The following DDX54 variants were observed in gnomAD, a reference collection of about 807,000 sequenced individuals.
DDX54 encodes the protein DEAD-box helicase 54.
A neutral mutation model predicts 105.5 loss-of-function variants in DDX54; 67 were observed. The ratio of observed to expected loss-of-function variants is 0.64; its 90% confidence interval spans 0.52 to 0.78. The LOEUF (loss-of-function observed/expected upper bound fraction) is 0.78, where lower values mean the gene tolerates loss of function less well. DDX54 is among the 30% of genes least tolerant of loss of function. The pLI is 0.00. For missense variants in DDX54, 1,206 were observed against 1,230.5 expected (o/e 0.98, Z 0.30); for synonymous variants, 514 against 509.9 (o/e 1.01, Z -0.11).
intron 19 of DDX54, 179 bp from the exon 20 acceptor site, chr12:113,159,288 A>G: frequency 1.5e-6 from 1 of 662,888 alleles, no homozygotes; most frequent in Non-Finnish European, 2.4e-6. Flanking sequence ...GGAGTGGTCA[A>G]TAACACGGGG....
chr12:113,162,103 A>G, intron 17 of DDX54, 106 bp from the exon 18 acceptor site: 2 of 1,073,916 alleles, frequency 1.9e-6, no homozygotes, highest in East Asian at 4.8e-5. Context: ...AGGTTGTTGG[A>G]GCATTAAAGG....
chr12:113,161,653 G>C (rs911687253), intron 18 of DDX54, among the ~76,000 whole-genome samples: 2 of 148,168 alleles, frequency 1.3e-5, no homozygotes, highest in African/African-American at 5.0e-5. Context: ...AGATGCTGCT[G>C]CTGAAGCTGC....
chr12:113,176,774 T>C (rs1952408463), intron 7 of DDX54, 66 bp downstream of exon 7: 1 of 1,555,394 alleles, frequency 6.4e-7, no homozygotes, highest in Non-Finnish European at 8.8e-7. Flanking sequence ...CTTCCTCTGG[T>C]TGACCTCTCT....
intron 5 of DDX54, 45 bp from the exon 6 acceptor site, chr12:113,177,138 G>T (rs1427166641): frequency 1.2e-6 from 2 of 1,603,794 alleles, no homozygotes; most frequent in South Asian, 1.1e-5. Flanking sequence ...AGGTCTCTTT[G>T]GTTTCCCTTC....
At position 113,183,647 on chromosome 12, in the gene DDX54, A is replaced by G. The variant is rs532931943; in HGVS notation, c.174+1631T>C. 3 of 152,402 alleles carry G rather than the reference A, an allele frequency of 2.0e-5. No individual in the cohort carries two copies. In the South Asian group the frequency reaches 6.2e-4, roughly 32 times the overall value. 9.4% of individuals were successfully genotyped at this position (152,402 alleles called of 1,614,324 possible). On this transcript the variant is annotated intron_variant, in intron 1 of 19. Transcript: ENST00000306014. ...CCATCCCTTCATGTGCATACACATG[A>G]CATTCAGTAATGGAAACGGCACAGG...
Position 113,172,294 on chromosome 12 carries a change from C to T in DDX54, c.1279+59G>A, listed in dbSNP as rs60626625. 848 of 1,558,374 alleles carry T rather than the reference C, an allele frequency of 5.4e-4. 8 individuals carry two copies. In the African/African-American group the frequency reaches 8.7e-3, roughly 16 times the overall value. ...TGTCAAGAGTTAAGCCTTGTACCCT[C>T]GGCTTCTGCCAGGATCCGGCACCCC... On this transcript the variant is annotated intron_variant, in intron 11 of 19. Transcript: ENST00000306014.
chr12:113,162,895 C>T (rs781026609), intron 17 of DDX54, 37 bp downstream of exon 17: 24 of 1,541,558 alleles, frequency 1.6e-5, no homozygotes, highest in Admixed American at 1.9e-5. Flanking sequence ...CGGTCACTCA[C>T]CCCGAGCATG....
At chr12:113,179,819 G>T in intron 3 of DDX54, 116 bp downstream of exon 3, 1 of 1,246,390 alleles carries the variant, frequency 8.0e-7, no homozygotes, top group Non-Finnish European at 1.2e-6. Flanking sequence ...GGCTTCAGCA[G>T]AGTAAAGGGG....
At chr12:113,177,904 C>G (rs988418816) in intron 5 of DDX54, among the ~76,000 whole-genome samples, 8 of 152,190 alleles carry the variant, frequency 5.3e-5, no homozygotes, top group African/African-American at 1.9e-4. Flanking sequence ...TGAATCTGAG[C>G]TATTACAAAC....
chr12:113,172,330 AG>A (rs765903439), intron 11 of DDX54, 22 bp downstream of exon 11: 1 of 1,607,916 alleles, frequency 6.2e-7, no homozygotes, highest in African/African-American at 1.3e-5. Flanking sequence ...TGCCTGCCCC[AG>A]GGCCAGCCAC....
chr12:113,179,194 G>A lies in DDX54; in HGVS notation c.513C>T (p.Ile171=). 1 of 1,614,140 alleles carries A rather than the reference G, an allele frequency of 6.2e-7. No individual in the cohort carries two copies. The highest frequency in any genetic ancestry group is 8.5e-7 in the Non-Finnish European group (1 of 1,180,012). Reference sequence around the variant, plus strand: ...GGGCCAGCTCTCGGGTCGGCGAGAGGATGAGGGCGCGGGCCCCGGTCTGGG... The same window carrying A: ...GGGCCAGCTCTCGGGTCGGCGAGAGAATGAGGGCGCGGGCCCCGGTCTGGG... ...HSAQTGARAL[I]LSPTRELALQ... Residue 171 remains isoleucine (I), a synonymous_variant, in exon 4 of 20, where the codon ATC becomes ATT. Coordinates refer to ENST00000306014, the MANE Select transcript of DDX54 (RefSeq NM_024072.4).
In DDX54 at chr12:113,162,979, C is replaced by T; in HGVS notation, c.2148G>A (p.Met716Ile). The T allele has an allele frequency of 6.2e-7, 1 of 1,608,802 alleles. No homozygotes were observed. The highest frequency in any genetic ancestry group is 8.5e-7 in the Non-Finnish European group (1 of 1,179,752). Residue 716 changes from methionine to isoleucine, a missense_variant, in exon 17 of 20, where the codon ATG becomes ATA. Around this residue, in one of 3 missense-constraint regions of DDX54, gnomAD observed 961 missense variants for 1,019.1 expected, o/e 0.94. Transcript: ENST00000306014. ...QQAAGAVLDL[M>I]GDEAQNLTRG... ...TCGTCAGGTTCTGGGCTTCATCCCC[C>T]ATCAAGTCCAGGACAGCGCCAGCTG...
intron 1 of DDX54, among the ~76,000 whole-genome samples, chr12:113,183,539 G>A (rs960731443): frequency 6.6e-6 from 1 of 152,232 alleles, no homozygotes; most frequent in Admixed American, 6.5e-5. Context: ...CTTGCCCTGA[G>A]CCTACCTGGT....
In DDX54 at chr12:113,179,999, C is replaced by G. The variant is rs140407337; in HGVS notation, c.311G>C (p.Ser104Thr). The G allele has an allele frequency of 6.2e-4, 996 of 1,614,068 alleles. 3 individuals are homozygous for G. In the African/African-American group the frequency reaches 0.012, roughly 19 times the overall value. ...KSGGFQSMGL[S>T]YPVFKGIMKK... The stretch of plus-strand genomic sequence containing the variant: ...CATGATGCCTTTGAACACCGGGTAG[C>G]TCAGGCCTGGGAGAGACATGAAACG... The change falls in exon 3 of 20, where the codon AGC becomes ACC. Residue 104 changes from serine to threonine, a missense_variant. Around this residue, in one of 3 missense-constraint regions of DDX54, gnomAD observed 212 missense variants for 155.4 expected, o/e 1.36. Transcript: ENST00000306014.
At chr12:113,162,137 A>G (rs1952215921) in intron 17 of DDX54, 140 bp from the exon 18 acceptor site, 1 of 748,968 alleles carries the variant, frequency 1.3e-6, no homozygotes, top group African/African-American at 1.7e-5. Flanking sequence ...CATGTCTGGC[A>G]TGCAGTTGGC....
At chr12:113,160,050 C>T (rs1464712788) in intron 19 of DDX54, among the ~76,000 whole-genome samples, 1 of 152,216 alleles carries the variant, frequency 6.6e-6, no homozygotes, top group African/African-American at 2.4e-5. Flanking sequence ...CTCCCCAGCC[C>T]CTGCACGCCC....
In DDX54 at chr12:113,169,922, TCAA is replaced by T; in HGVS notation, c.1280-21_1280-19del. 1 of 1,613,628 alleles carries T rather than the reference TCAA, an allele frequency of 6.2e-7. No individual in the cohort carries two copies. Among genetic ancestry groups the T allele is most frequent in the Non-Finnish European group, 8.5e-7 (1 of 1,179,776 alleles). On this transcript the variant is annotated intron_variant, in intron 11 of 19. Transcript: ENST00000306014. ...CACACGGCCTGCAGCAAGGAGACGT[TCAA>T]GCTTAATTAAGCAAAGAAGGACCCG...
chr12:113,163,786 C>T lies in DDX54; in HGVS notation c.1938+281G>A, dbSNP rs143696798. Among the ~76,000 whole-genome samples the T allele has an allele frequency of 6.6e-5, 10 of 152,326 alleles. No individual in the cohort carries two copies. The East Asian group carries it at 1.2e-3, about 18-fold the overall frequency. On this transcript the variant is annotated intron_variant, in intron 15 of 19. Transcript: ENST00000306014. This position sits in a 1 kb window ranked among gnomAD's most constrained non-coding sequence, Gnocchi z 5.9. ...TCCTCCCTCTGAGTGGAGACCTACA[C>T]GTCTCACTGCAGAAGCCCTGATGTG...
rs578181955 is a variant in DDX54 at position 113,176,566 on chromosome 12, CATAA to C, written c.752+270_752+273del. On this transcript the variant is annotated intron_variant, in intron 7 of 19. Coordinates refer to ENST00000306014, the MANE Select transcript of DDX54 (RefSeq NM_024072.4). ...TGGGTGACAGAGCAAGACTCTATCTCATAAATAAATAAATAAATAAATAAATCCC... is the reference window on the plus strand; with the variant it reads ...TGGGTGACAGAGCAAGACTCTATCTCATAAATAAATAAATAAATAAATCCC... 2.2e-4 allele frequency among the ~76,000 whole-genome samples: 34 copies of C among 152,216 alleles called. No homozygotes were observed. The South Asian group carries it at 3.3e-3, about 15-fold the overall frequency.
Sources: gnomAD v4.1 joint callset for allele counts (sites outside exome capture counted in the v4.1 genomes callset) on GRCh38, gnomAD v4.1.1 for gene constraint, gnomAD v4.1.1 regional missense constraint, Gnocchi (gnomAD v3.1) non-coding constraint, MANE v1.5 for transcripts, NCBI Gene and HGNC (gene_info 2026-07-23, HGNC 2026-07-21) for gene names.